Variants in RBMS3 observed in about 807,000 individuals in gnomAD.
RBMS3 encodes the protein RNA-binding motif, single-stranded-interacting protein 3.
A neutral mutation model predicts 66.8 loss-of-function variants in RBMS3; 27 were observed. The observed-to-expected ratio is 0.40, with a 90% CI of 0.30 to 0.56. The LOEUF is 0.56. Ranked by LOEUF, RBMS3 falls within the 20% of genes least tolerant of loss-of-function variation. The pLI is 0.40. For missense variants in RBMS3, 513 were observed against 549.5 expected, an observed-to-expected ratio of 0.93 and a Z score of 0.66; for synonymous variants, 188 against 183.0, an observed-to-expected ratio of 1.03 and a Z score of -0.22.
At chr3:29,292,067 G>A (rs1255562827) in intron 1 of RBMS3, among the ~76,000 whole-genome samples, 2 of 151,622 alleles carry the variant, frequency 1.3e-5, no homozygotes, top group African/African-American at 4.8e-5. Context: ...GCTGGAGGGC[G>A]AATTCTCTCA....
At chr3:29,544,542 T>C (rs1429131440) in intron 3 of RBMS3, among the ~76,000 whole-genome samples, 1 of 152,188 alleles carries the variant, frequency 6.6e-6, no homozygotes, top group Non-Finnish European at 1.5e-5. Context: ...GTTACCTGTC[T>C]CAGTGGTATT....
At chr3:29,612,210 T>C (rs1458012658) in intron 4 of RBMS3, among the ~76,000 whole-genome samples, 2 of 152,110 alleles carry the variant, frequency 1.3e-5, no homozygotes, top group African/African-American at 2.4e-5. Context: ...AGAATAAGCA[T>C]ATATATGTAA....
intron 1 of RBMS3, among the ~76,000 whole-genome samples, chr3:29,346,864 G>A (rs1272410859): frequency 1.3e-5 from 2 of 152,150 alleles, no homozygotes; most frequent in African/African-American, 4.8e-5. Context: ...TGGTGTTGAA[G>A]CTCTTTGTAC....
At position 30,003,816 on chromosome 3, in the gene RBMS3, CTTTAA is replaced by C. The variant is rs577569664; in HGVS notation, c.1308-33_1308-29del. The C allele has an allele frequency of 6.4e-5, 87 of 1,369,368 alleles. No individual in the cohort carries two copies. The African/African-American group carries it at 1.0e-3, about 16-fold the overall frequency. The allele number at this position is 1,369,368 out of a possible 1,614,324, so 84.8% of individuals were successfully genotyped here. On this transcript the variant is annotated intron_variant, in intron 14 of 14. Coordinates refer to ENST00000383767, the MANE Select transcript of RBMS3 (RefSeq NM_001003793.3). The stretch of plus-strand genomic sequence containing the variant: ...GGCACAGAAGGTGATTTCAAAGTTA[CTTTAA>C]TTTAATGACCACTCTTATTCAATTG...
chr3:29,295,846 T>C (rs1484249045), intron 1 of RBMS3, among the ~76,000 whole-genome samples: 1 of 151,736 alleles, frequency 6.6e-6, no homozygotes, highest in Non-Finnish European at 1.5e-5. Flanking sequence ...ATACTAAAAA[T>C]TAAATCTTTC....
chr3:29,367,982 G>A lies in RBMS3; in HGVS notation c.76-66761G>A, dbSNP rs764042733. 8.5e-4 allele frequency among the ~76,000 whole-genome samples: 129 copies of A among 152,218 alleles called. 1 individual carries two copies. The highest frequency in any genetic ancestry group is 1.3e-3 in the Non-Finnish European group (85 of 67,986). ...AAGATTTCAACTTGGATAGAAATAAGGGAAACATTGCTACATCTTTCTTTT... is the reference window on the plus strand; with the variant it reads ...AAGATTTCAACTTGGATAGAAATAAAGGAAACATTGCTACATCTTTCTTTT... On this transcript the variant is annotated intron_variant, in intron 1 of 14. Coordinates refer to ENST00000383767, the MANE Select transcript of RBMS3 (RefSeq NM_001003793.3).
intron 4 of RBMS3, among the ~76,000 whole-genome samples, chr3:29,732,418 G>A (rs1576642935): frequency 6.6e-6 from 1 of 152,142 alleles, no homozygotes; most frequent in African/African-American, 2.4e-5. Context: ...CAATTTAAAC[G>A]TTAAACTCAT....
chr3:29,300,657 G>A (rs565616545), intron 1 of RBMS3, among the ~76,000 whole-genome samples: 16 of 151,860 alleles, frequency 1.1e-4, no homozygotes, highest in South Asian at 4.1e-4. Flanking sequence ...AAAGTTTTGC[G>A]TGAGTTTTGG....
chr3:29,935,196 G>C (rs775357929), intron 10 of RBMS3, among the ~76,000 whole-genome samples: 4 of 151,966 alleles, frequency 2.6e-5, no homozygotes, highest in Non-Finnish European at 4.4e-5. Flanking sequence ...ATTACTGCAA[G>C]GAAAGTAGCA....
At chr3:29,576,576 T>C (rs2047128679) in intron 3 of RBMS3, among the ~76,000 whole-genome samples, 1 of 152,170 alleles carries the variant, frequency 6.6e-6, no homozygotes, top group South Asian at 2.1e-4. Context: ...GGATGGCAAG[T>C]TTCCCCAGGC....
At chr3:29,556,164 C>G (rs990289182) in intron 3 of RBMS3, among the ~76,000 whole-genome samples, 2 of 152,016 alleles carry the variant, frequency 1.3e-5, no homozygotes, top group African/African-American at 4.8e-5. Context: ...TCATCTTTTG[C>G]TTTGAAAAGA....
intron 4 of RBMS3, among the ~76,000 whole-genome samples, chr3:29,737,945 T>A (rs2054456445): frequency 1.3e-5 from 2 of 152,004 alleles, no homozygotes; most frequent in Admixed American, 1.3e-4. Flanking sequence ...AAACTATTCC[T>A]AAATATTAAG....
chr3:29,463,363 A>C (rs1351168883), intron 2 of RBMS3, among the ~76,000 whole-genome samples: 3 of 152,212 alleles, frequency 2.0e-5, no homozygotes, highest in Non-Finnish European at 4.4e-5. Context: ...CATTTGGTTT[A>C]ACTATGTATG....
chr3:29,373,355 G>A (rs2038306311), intron 1 of RBMS3, among the ~76,000 whole-genome samples: 1 of 152,164 alleles, frequency 6.6e-6, no homozygotes, highest in African/African-American at 2.4e-5. Context: ...AGAAATTTTG[G>A]CTTCCCAATA....
chr3:29,468,487 T>C (rs1397540053), intron 2 of RBMS3, among the ~76,000 whole-genome samples: 1 of 152,168 alleles, frequency 6.6e-6, no homozygotes. Flanking sequence ...CGTGGTAGAA[T>C]ACCGTAACTT....
At chr3:29,535,506 T>C (rs1375188233) in intron 3 of RBMS3, among the ~76,000 whole-genome samples, 1 of 152,072 alleles carries the variant, frequency 6.6e-6, no homozygotes, top group Non-Finnish European at 1.5e-5. Flanking sequence ...TTCTCCTGAT[T>C]AACTTTTTCT....
Position 29,860,875 on chromosome 3 carries a change from CT to C in RBMS3, c.638-7979del, listed in dbSNP as rs527482241. Among the ~76,000 whole-genome samples the C allele has an allele frequency of 8.7e-3, 1,329 of 152,208 alleles. 6 individuals carry two copies. The highest frequency in any genetic ancestry group is 0.027 in the Middle Eastern group (8 of 294). On this transcript the variant is annotated intron_variant, in intron 6 of 14. Coordinates refer to ENST00000383767, the MANE Select transcript of RBMS3 (RefSeq NM_001003793.3). ...GAAGGAGGTTTCATTTGTTTCTTTT[CT>C]TTTCTTTTTTTGAGGCAGAGCCTCG...
intron 6 of RBMS3, among the ~76,000 whole-genome samples, chr3:29,867,934 G>T (rs1383729592): frequency 6.6e-6 from 1 of 152,000 alleles, no homozygotes; most frequent in South Asian, 2.1e-4. Flanking sequence ...AACCTTCCCA[G>T]CCATATTAAT....
At chr3:29,864,960 GAAA>G (rs2059316518) in intron 6 of RBMS3, among the ~76,000 whole-genome samples, 1 of 87,978 alleles carries the variant, frequency 1.1e-5, no homozygotes, top group African/African-American at 4.6e-5. Flanking sequence ...AAGGAAGGAA[GAAA>G]GGAAGGAAGG....
Sources: gnomAD v4.1 joint callset for allele counts (sites outside exome capture counted in the v4.1 genomes callset) on GRCh38, gnomAD v4.1.1 for gene constraint, MANE v1.5 for transcripts, NCBI Gene and HGNC (gene_info 2026-07-23, HGNC 2026-07-21) for gene names.